The following COL14A1 variants were observed in gnomAD, a reference collection of about 807,000 sequenced individuals.
COL14A1 encodes the protein collagen alpha-1(XIV) chain.
In COL14A1, 136 loss-of-function variants were observed where a neutral mutation model predicts 230.3. The ratio of observed to expected loss-of-function variants is 0.59; its 90% CI spans 0.51 to 0.68. The LOEUF is 0.68. COL14A1 is among the 30% of genes least tolerant of loss of function. COL14A1 has a pLI of 0.00. For missense variants in COL14A1, 1,976 were observed against 2,215.8 expected, an observed-to-expected ratio of 0.89 and a Z score of 2.17; for synonymous variants, 792 against 784.1, an observed-to-expected ratio of 1.01 and a Z score of -0.17.
intron 36 of COL14A1, among the ~76,000 whole-genome samples, chr8:120,307,778 G>T (rs1480826806): frequency 2.6e-5 from 4 of 152,192 alleles, no homozygotes; most frequent in African/African-American, 9.7e-5. Flanking sequence ...GGTTGATTAA[G>T]ATTTAAGGAA....
chr8:120,194,653 C>T (rs185668467), intron 5 of COL14A1, among the ~76,000 whole-genome samples: 24 of 152,106 alleles, frequency 1.6e-4, no homozygotes, highest in Non-Finnish European at 2.9e-4. Flanking sequence ...CCAGAAAATA[C>T]CAATTTCATT....
intron 36 of COL14A1, among the ~76,000 whole-genome samples, chr8:120,302,038 A>G (rs555411762): frequency 6.6e-6 from 1 of 151,866 alleles, no homozygotes; most frequent in Non-Finnish European, 1.5e-5. Context: ...CTTCTTTTGA[A>G]AAGTGTCTGT....
chr8:120,287,686 C>T (rs1820246248), intron 33 of COL14A1, among the ~76,000 whole-genome samples: 1 of 152,006 alleles, frequency 6.6e-6, no homozygotes. Flanking sequence ...CTTCCCTCTA[C>T]TTTAAGTGTT....
chr8:120,263,599 T>G (rs557218381), intron 24 of COL14A1, among the ~76,000 whole-genome samples: 84 of 152,320 alleles, frequency 5.5e-4, no homozygotes, highest in African/African-American at 1.8e-3. Flanking sequence ...AGTCAAAGAT[T>G]CTTGACCCCG....
chr8:120,302,246 C>T (rs1010468399), intron 36 of COL14A1, among the ~76,000 whole-genome samples: 1 of 152,130 alleles, frequency 6.6e-6, no homozygotes, highest in African/African-American at 2.4e-5. Context: ...ATAATTAGAG[C>T]CCATTTGTAA....
chr8:120,282,807 A>C (rs1174413080), intron 31 of COL14A1, among the ~76,000 whole-genome samples: 1 of 151,998 alleles, frequency 6.6e-6, no homozygotes, highest in Non-Finnish European at 1.5e-5. Context: ...TTTCTGGGAG[A>C]GATTAGCATG....
chr8:120,203,943 T>C, intron 9 of COL14A1, 73 bp downstream of exon 9: 1 of 1,459,536 alleles, frequency 6.9e-7, no homozygotes, highest in Non-Finnish European at 9.3e-7. Context: ...ATTGGGAAAA[T>C]TCTTTTCATT....
At chr8:120,255,165 G>C in intron 22 of COL14A1, 75 bp from the exon 23 acceptor site, 1 of 1,215,428 alleles carries the variant, frequency 8.2e-7, no homozygotes, top group Non-Finnish European at 1.2e-6. Flanking sequence ...AATTTTTCCA[G>C]AAGTTAATTT....
rs370767766 is a variant in COL14A1, at chr8:120,250,607, T to C, written c.2603-10T>C. 24 of 1,613,962 alleles carry C rather than the reference T, an allele frequency of 1.5e-5. No individual in the cohort carries two copies. The African/African-American group carries it at 2.9e-4, about 20-fold the overall frequency. ...TGTTGTAACTAAAATATATCCTCTTTCTTCTTTAGTTCCTGGTCCAACACT... is the reference window on the plus strand; with the variant it reads ...TGTTGTAACTAAAATATATCCTCTTCCTTCTTTAGTTCCTGGTCCAACACT... On this transcript the variant is annotated splice_polypyrimidine_tract_variant and intron_variant, in intron 21 of 47. Transcript: ENST00000297848.
chr8:120,270,259 A>T, intron 26 of COL14A1, 85 bp downstream of exon 26: 1 of 1,358,544 alleles, frequency 7.4e-7, no homozygotes, highest in African/African-American at 1.5e-5. Context: ...CAGGGACTAT[A>T]GGTCAAGAAC....
intron 5 of COL14A1, among the ~76,000 whole-genome samples, chr8:120,170,810 G>A (rs1453677001): frequency 6.6e-6 from 1 of 151,430 alleles, no homozygotes; most frequent in East Asian, 1.9e-4. Flanking sequence ...TATTAATATA[G>A]CTATACCACC....
chr8:120,217,504 T>C (rs777897353), intron 14 of COL14A1, among the ~76,000 whole-genome samples: 23 of 152,328 alleles, frequency 1.5e-4, no homozygotes, highest in South Asian at 1.2e-3. Flanking sequence ...CAAGTGTTTT[T>C]ATATGCAGAG....
At chr8:120,159,534 T>A (rs1022913964) in intron 3 of COL14A1, among the ~76,000 whole-genome samples, 1 of 152,058 alleles carries the variant, frequency 6.6e-6, no homozygotes, top group Non-Finnish European at 1.5e-5. Flanking sequence ...TGGTAGACCT[T>A]TTTCCAAAAG....
intron 45 of COL14A1, among the ~76,000 whole-genome samples, chr8:120,350,824 T>A (rs1378421565): frequency 6.6e-6 from 1 of 151,704 alleles, no homozygotes; most frequent in Non-Finnish European, 1.5e-5. Context: ...ATTAGACAGA[T>A]CAACGAGACA....
intron 26 of COL14A1, among the ~76,000 whole-genome samples, chr8:120,273,987 C>A (rs747471716): frequency 6.6e-6 from 1 of 151,580 alleles, no homozygotes; most frequent in Non-Finnish European, 1.5e-5. Flanking sequence ...TTTGTGAAGC[C>A]AGTATTACCT....
Position 120,231,519 on chromosome 8 carries a change from C to T in COL14A1, c.2250C>T (p.Ser750=), listed in dbSNP as rs1294976061. The change falls in exon 19 of 48, where the codon AGC becomes AGT. Residue 750 remains serine, a synonymous_variant. Transcript: ENST00000297848. ...TTGTAGGTGATGAAACTACTTCTAGCCTGCGGGTAAAATGGGACATTTCTG... is the reference window on the plus strand; with the variant it reads ...TTGTAGGTGATGAAACTACTTCTAGTCTGCGGGTAAAATGGGACATTTCTG... ...NLVVGDETTS[S]LRVKWDISDS... 3.1e-6 allele frequency: 5 copies of T among 1,614,026 alleles called. No homozygotes were observed. The highest frequency in any genetic ancestry group is 4.2e-6 in the Non-Finnish European group (5 of 1,179,980).
Position 120,373,518 on chromosome 8 carries a change from A to G in COL14A1, c.*2287A>G, listed in dbSNP as rs1378711838. On this transcript the variant is annotated 3_prime_UTR_variant, in exon 48 of 48. Coordinates refer to ENST00000297848, the MANE Select transcript of COL14A1 (RefSeq NM_021110.4). The stretch of plus-strand genomic sequence containing the variant: ...CAGAAATATACTTATATCTTAATTT[A>G]TAGTTTGTAAGTTTATACTGTTTTC... 6.6e-6 allele frequency among the ~76,000 whole-genome samples: 1 copy of G among 152,178 alleles called. No homozygotes were observed.
chr8:120,216,047 A>G (rs915017186), intron 13 of COL14A1, among the ~76,000 whole-genome samples: 4 of 152,208 alleles, frequency 2.6e-5, no homozygotes, highest in African/African-American at 9.7e-5. Context: ...TTTTTAATCC[A>G]TTAAGTTTCC....
intron 46 of COL14A1, among the ~76,000 whole-genome samples, chr8:120,368,606 C>CAAAAAAAAAAA (rs11342918): frequency 8.4e-6 from 1 of 118,510 alleles, no homozygotes. Flanking sequence ...GCATACAAGC[C>CAAAAAAAAAAA]AAAAAAAAAA....
Sources: gnomAD v4.1 joint callset for allele counts (sites outside exome capture counted in the v4.1 genomes callset) on GRCh38, gnomAD v4.1.1 for gene constraint, MANE v1.5 for transcripts, NCBI Gene and HGNC (gene_info 2026-07-23, HGNC 2026-07-21) for gene names.